Variants in SLC39A12 observed in about 807,000 individuals in gnomAD.
SLC39A12 encodes zinc transporter ZIP12.
Under a neutral mutation model 71.1 loss-of-function variants are expected in SLC39A12, and 63 were observed. The observed-to-expected ratio is 0.89, with a 90% confidence interval of 0.72 to 1.09. The LOEUF is 1.09. SLC39A12 is among the 50% of genes least tolerant of loss of function. The pLI is 0.00. For missense variants in SLC39A12, 892 were observed against 812.6 expected, an observed-to-expected ratio of 1.10 and a Z score of -1.19; for synonymous variants, 351 against 301.3, an observed-to-expected ratio of 1.16 and a Z score of -1.71.
intron 12 of SLC39A12, among the ~76,000 whole-genome samples, chr10:18,042,036 T>A (rs1837270458): frequency 6.6e-6 from 1 of 151,914 alleles, no homozygotes; most frequent in Non-Finnish European, 1.5e-5. Flanking sequence ...ATATATGCCT[T>A]ACATCAACCT....
intron 12 of SLC39A12, among the ~76,000 whole-genome samples, chr10:18,037,523 A>T (rs1245339751): frequency 6.6e-6 from 1 of 152,192 alleles, no homozygotes; most frequent in Non-Finnish European, 1.5e-5. Context: ...GTGAGCTGTT[A>T]TCCTCTCTGA....
intron 12 of SLC39A12, among the ~76,000 whole-genome samples, chr10:18,035,429 G>T (rs1383915394): frequency 1.5e-5 from 2 of 135,384 alleles, no homozygotes; most frequent in Non-Finnish European, 3.1e-5. Flanking sequence ...CTTTCTTCCA[G>T]TTGATCGCAT....
Position 18,042,818 on chromosome 10 carries a change from A to C in SLC39A12, c.2061A>C (p.Gln687His). Residue 687 changes from glutamine (Q) to histidine (H), a missense_variant, in exon 13 of 13, where the codon CAA (glutamine) becomes CAC (histidine). Transcript: ENST00000377369. ...LSLLLLAIYE[Q>H]NIKI The stretch of plus-strand genomic sequence containing the variant: ...TCCTGCTCTTGGCTATATATGAGCA[A>C]AATATTAAAATATAAGTGAGGATCT... 6.2e-7 allele frequency: 1 copy of C among 1,606,730 alleles called. No individual in the cohort carries two copies.
chr10:17,969,310 G>A (rs1225666551), intron 4 of SLC39A12, among the ~76,000 whole-genome samples: 1 of 152,144 alleles, frequency 6.6e-6, no homozygotes, highest in Admixed American at 6.5e-5. Flanking sequence ...ATACCCAGTG[G>A]TGGGATTGTT....
intron 12 of SLC39A12, among the ~76,000 whole-genome samples, chr10:18,039,219 G>A (rs770982328): frequency 4.0e-5 from 6 of 151,214 alleles, no homozygotes; most frequent in African/African-American, 7.3e-5. Context: ...GAAAAATGAG[G>A]AGGAGGAGGA....
At chr10:18,040,434 TCAAA>T (rs1206368404) in intron 12 of SLC39A12, among the ~76,000 whole-genome samples, 2 of 151,982 alleles carry the variant, frequency 1.3e-5, no homozygotes, top group Non-Finnish European at 2.9e-5. Context: ...AAGAAATATC[TCAAA>T]CAGAGCATTC....
Position 17,954,546 on chromosome 10 carries a change from G to A in SLC39A12, c.261+1009G>A, listed in dbSNP as rs1377359434. ...TGGGATTACAGGTGTGAGCCACGGC[G>A]CCCGGCCTCCAGGTCACTTTAATAT... On this transcript the variant is annotated intron_variant, in intron 2 of 12. Transcript: ENST00000377369. Among the ~76,000 whole-genome samples, 5 of 152,114 alleles carry A rather than the reference G, an allele frequency of 3.3e-5. No homozygotes were observed. The East Asian group carries it at 7.7e-4, about 23-fold the overall frequency.
intron 4 of SLC39A12, among the ~76,000 whole-genome samples, chr10:17,969,674 G>A (rs538280998): frequency 2.0e-4 from 30 of 152,174 alleles, no homozygotes; most frequent in African/African-American, 7.0e-4. Flanking sequence ...TGAGCTCCTT[G>A]TATATTCTGG....
intron 12 of SLC39A12, among the ~76,000 whole-genome samples, chr10:18,034,810 G>A (rs1246345203): frequency 4.0e-5 from 6 of 148,512 alleles, no homozygotes; most frequent in Non-Finnish European, 9.0e-5. Context: ...CATGTTTAGC[G>A]CTTCCTTCAG....
chr10:17,998,572 G>C (rs1447122952), intron 10 of SLC39A12, among the ~76,000 whole-genome samples: 2 of 152,096 alleles, frequency 1.3e-5, no homozygotes, highest in Non-Finnish European at 2.9e-5. Flanking sequence ...TTTATTCTTT[G>C]TTCTTATGGC....
intron 11 of SLC39A12, chr10:18,002,113 C>T (rs1055909692): frequency 1.3e-5 from 2 of 152,016 alleles, no homozygotes; most frequent in East Asian, 1.9e-4. Context: ...CCTCCCAGGA[C>T]GCAAGATGGG....
At chr10:17,954,211 G>A (rs782711352) in intron 2 of SLC39A12, among the ~76,000 whole-genome samples, 1 of 152,092 alleles carries the variant, frequency 6.6e-6, no homozygotes, top group Non-Finnish European at 1.5e-5. Context: ...GATTTTACTT[G>A]CCTGGGATAG....
intron 12 of SLC39A12, among the ~76,000 whole-genome samples, chr10:18,020,072 A>G (rs1177677355): frequency 6.6e-6 from 1 of 152,050 alleles, no homozygotes; most frequent in East Asian, 1.9e-4. Context: ...GATTTGGAAT[A>G]CAGATAATTT....
intron 6 of SLC39A12, among the ~76,000 whole-genome samples, chr10:17,983,168 C>CAAAAAAAAAAAAA (rs59513976): frequency 1.7e-5 from 1 of 60,596 alleles, no homozygotes; most frequent in African/African-American, 6.0e-5. Flanking sequence ...GACTCCATCT[C>CAAAAAAAAAAAAA]AAAAAAAAAA....
At chr10:18,026,285 A>G (rs72780029) in intron 12 of SLC39A12, among the ~76,000 whole-genome samples, 46,023 of 151,906 alleles carry the variant, frequency 0.3, 9,039 homozygotes, top group Non-Finnish European at 0.45. Context: ...GAGAGAGTCT[A>G]TATTTCTCCT....
At chr10:18,023,043 T>A (rs1734794919) in intron 12 of SLC39A12, among the ~76,000 whole-genome samples, 1 of 152,080 alleles carries the variant, frequency 6.6e-6, no homozygotes, top group Admixed American at 6.5e-5. Flanking sequence ...GTGCTAAGAG[T>A]GTAGGCTCCT....
intron 2 of SLC39A12, among the ~76,000 whole-genome samples, chr10:17,958,109 G>A (rs1380382940): frequency 6.6e-6 from 1 of 152,116 alleles, no homozygotes; most frequent in African/African-American, 2.4e-5. Flanking sequence ...ATTATAGTGC[G>A]GACCCTGCTC....
chr10:18,025,761 T>C (rs185846455), intron 12 of SLC39A12, among the ~76,000 whole-genome samples: 4 of 152,198 alleles, frequency 2.6e-5, no homozygotes, highest in African/African-American at 9.6e-5. Flanking sequence ...GTAATGGGAT[T>C]GCAGGGTCAA....
rs977959919 is a variant in SLC39A12, at chr10:18,023,674, T to C, written c.1948-19031T>C. 3.3e-5 allele frequency among the ~76,000 whole-genome samples: 5 copies of C among 152,176 alleles called. No homozygotes were observed. In the South Asian group the frequency reaches 6.2e-4, roughly 19 times the overall value. On this transcript the variant is annotated intron_variant, in intron 12 of 12. Transcript: ENST00000377369. ...TCCTCTCCTTATGCTGGTTGCAGTG[T>C]GCTGGGGGTGTCAGCAAAGTGATCA...
Sources: gnomAD v4.1 joint callset for allele counts (sites outside exome capture counted in the v4.1 genomes callset) on GRCh38, gnomAD v4.1.1 for gene constraint, MANE v1.5 for transcripts, NCBI Gene and HGNC (gene_info 2026-07-23, HGNC 2026-07-21) for gene names.